The following THSD7A variants were observed in gnomAD, a reference collection of about 807,000 sequenced individuals.
The protein encoded by THSD7A is thrombospondin type 1 domain containing 7A.
A neutral mutation model predicts 231.3 loss-of-function variants in THSD7A; 96 were observed. The ratio of observed to expected loss-of-function variants is 0.41; its 90% CI spans 0.35 to 0.49. The LOEUF (loss-of-function observed/expected upper bound fraction) is 0.49, where lower values mean the gene tolerates loss of function less well. Among genes scored for constraint, THSD7A ranks in the 20% least tolerant of loss-of-function variants. The pLI, the probability that THSD7A is intolerant of heterozygous loss-of-function variation, is 0.05. For synonymous variants in THSD7A, 940 were observed against 743.3 expected (o/e 1.26, Z -4.30); for missense variants, 2,290 against 2,070.2 (o/e 1.11, Z -2.06).
At chr7:11,812,397 A>G (rs1166240318) in intron 1 of THSD7A, among the ~76,000 whole-genome samples, 1 of 152,186 alleles carries the variant, frequency 6.6e-6, no homozygotes, top group East Asian at 1.9e-4. Flanking sequence ...TAAATAAGAT[A>G]CATTGCATCA....
Position 11,474,198 on chromosome 7 carries a change from A to AAAAC in THSD7A, c.2252+132_2252+135dup, listed in dbSNP as rs549181492. Reference sequence around the variant, plus strand: ...ATAGCTTTATCAGTGGCTGACTTTCAAAACAAACAAATCTTGCTCTTGAGG... The same window carrying AAAAC: ...ATAGCTTTATCAGTGGCTGACTTTCAAAACAAACAAACAAATCTTGCTCTTGAGG... On this transcript the variant is annotated intron_variant, in intron 8 of 27. Transcript: ENST00000423059. This position sits in a 1 kb window ranked among gnomAD's most constrained non-coding sequence, Gnocchi z 4.1. 1.5e-4 allele frequency: 105 copies of AAAAC among 715,980 alleles called. No homozygotes were observed. The African/African-American group carries it at 1.8e-3, about 12-fold the overall frequency. The allele number at this position is 715,980 out of a possible 1,614,324, so 44.4% of individuals were successfully genotyped here.
intron 13 of THSD7A, among the ~76,000 whole-genome samples, chr7:11,437,481 T>A (rs1469684049): frequency 6.6e-6 from 1 of 152,090 alleles, no homozygotes; most frequent in African/African-American, 2.4e-5. Flanking sequence ...CCTCATCCCC[T>A]GCCTCTCTTT....
intron 6 of THSD7A, among the ~76,000 whole-genome samples, chr7:11,507,200 C>G (rs1787581302): frequency 1.3e-5 from 2 of 152,142 alleles, no homozygotes; most frequent in Admixed American, 1.3e-4. Flanking sequence ...ATATGAAGAA[C>G]AAGTCAAAGA....
In THSD7A at chr7:11,444,747, T is replaced by C. The variant is rs1418023886; in HGVS notation, c.3064+1314A>G. 6.7e-6 allele frequency among the ~76,000 whole-genome samples: 1 copy of C among 149,798 alleles called. No individual in the cohort carries two copies. Among genetic ancestry groups the C allele is most frequent in the Non-Finnish European group, 1.5e-5 (1 of 67,564 alleles). On this transcript the variant is annotated intron_variant, in intron 13 of 27. Transcript: ENST00000423059. The surrounding 1 kb of genome is among the most constrained non-coding windows in gnomAD (Gnocchi z 4.2). ...TACATGTATCCCAGAACTTAAAGTA[T>C]AACAAAAAAAAAGAGAGGGGGCACA...
At chr7:11,425,779 C>G (rs1784299424) in intron 15 of THSD7A, among the ~76,000 whole-genome samples, 1 of 148,112 alleles carries the variant, frequency 6.8e-6, no homozygotes, top group African/African-American at 2.5e-5. Flanking sequence ...GAGACAGAGA[C>G]AGAGAGCAAG....
rs1335718754 is a variant in THSD7A, at chr7:11,412,726, G to A, written c.3612C>T (p.Cys1204=). ...IRQPADEGRS[C]PNAVEKEPCN... ...AGGGTTCTTTCTCAACAGCATTAGG[G>A]CAAGATCTTCCTTCATCAGCTGGTT... Residue 1204 remains cysteine, a synonymous_variant, in exon 18 of 28, where the codon TGC becomes TGT. Transcript: ENST00000423059. The A allele has an allele frequency of 6.2e-7, 1 of 1,613,722 alleles. No individual in the cohort carries two copies. Among genetic ancestry groups the A allele is most frequent in the Non-Finnish European group, 8.5e-7 (1 of 1,179,794 alleles).
chr7:11,380,518 TTGTC>T (rs1259019127), intron 24 of THSD7A, among the ~76,000 whole-genome samples: 4 of 152,314 alleles, frequency 2.6e-5, no homozygotes, highest in African/African-American at 9.6e-5. Context: ...CTATTGCTAA[TTGTC>T]TGTGTTTCTC....
rs947458382 is a variant in THSD7A, at chr7:11,831,688, G to A, written c.190+69C>T. 7.5e-6 allele frequency: 9 copies of A among 1,208,014 alleles called. No homozygotes were observed. Among genetic ancestry groups the A allele is most frequent in the Non-Finnish European group, 2.1e-6 (2 of 939,062 alleles). The allele number at this position is 1,208,014 out of a possible 1,614,324, so 74.8% of individuals were successfully genotyped here. A position where few individuals can be genotyped will look rare whatever the true frequency, so the allele number is the denominator to read the frequency against. On this transcript the variant is annotated intron_variant, in intron 1 of 27. Coordinates refer to ENST00000423059, the MANE Select transcript of THSD7A (RefSeq NM_015204.3). The surrounding 1 kb of genome is among the most constrained non-coding windows in gnomAD (Gnocchi z 5.0). ...ATCCAAAAGCACCGGGGTCCCTACAGAAGCCCACCAGCTCCTTAATGTGGC... is the reference window on the plus strand; with the variant it reads ...ATCCAAAAGCACCGGGGTCCCTACAAAAGCCCACCAGCTCCTTAATGTGGC...
At chr7:11,759,263 G>A (rs1484645341) in intron 1 of THSD7A, among the ~76,000 whole-genome samples, 1 of 152,078 alleles carries the variant, frequency 6.6e-6, no homozygotes. Context: ...AATATGTAGT[G>A]AAAGTATGCT....
chr7:11,561,229 ATATT>A (rs1340143497), intron 4 of THSD7A, among the ~76,000 whole-genome samples: 3 of 152,200 alleles, frequency 2.0e-5, no homozygotes, highest in African/African-American at 7.2e-5. Context: ...ACACATATGC[ATATT>A]TATTTAATAT....
chr7:11,552,240 A>T (rs151203443), intron 4 of THSD7A, among the ~76,000 whole-genome samples: 244 of 152,078 alleles, frequency 1.6e-3, no homozygotes, highest in African/African-American at 5.8e-3. Context: ...TGGGTGATGA[A>T]ATCTATACAC....
At chr7:11,430,734 T>C (rs1032949651) in intron 13 of THSD7A, among the ~76,000 whole-genome samples, 1 of 152,186 alleles carries the variant, frequency 6.6e-6, no homozygotes, top group Admixed American at 6.5e-5. Context: ...CCCAAAATAT[T>C]GGGATTACAG....
At chr7:11,689,243 T>G (rs1468176559) in intron 1 of THSD7A, among the ~76,000 whole-genome samples, 3 of 151,874 alleles carry the variant, frequency 2.0e-5, no homozygotes, top group African/African-American at 7.2e-5. Flanking sequence ...TGGCAACTAT[T>G]ATGTAAGGTC....
intron 1 of THSD7A, among the ~76,000 whole-genome samples, chr7:11,813,903 A>G (rs924981070): frequency 1.3e-5 from 2 of 152,148 alleles, no homozygotes; most frequent in Non-Finnish European, 2.9e-5. Context: ...CATGATTCAT[A>G]ATAGCCAAAA....
At chr7:11,721,022 T>A (rs1306655105) in intron 1 of THSD7A, among the ~76,000 whole-genome samples, 1 of 151,894 alleles carries the variant, frequency 6.6e-6, no homozygotes, top group Non-Finnish European at 1.5e-5. Context: ...TACGGTGCAT[T>A]TGTTTATTAA....
chr7:11,527,195 A>T (rs1385863150), intron 6 of THSD7A, among the ~76,000 whole-genome samples: 2 of 152,198 alleles, frequency 1.3e-5, no homozygotes, highest in Non-Finnish European at 1.5e-5. Context: ...ATTTAAAATT[A>T]TTGTATATAG....
chr7:11,750,199 C>T (rs17176155), intron 1 of THSD7A, among the ~76,000 whole-genome samples: 48,388 of 151,332 alleles, frequency 0.32, 9,359 homozygotes, highest in Admixed American at 0.43. Flanking sequence ...AGCATACCAA[C>T]GACTGGAAGA....
chr7:11,661,314 T>A (rs924318173), intron 1 of THSD7A, among the ~76,000 whole-genome samples: 2 of 151,342 alleles, frequency 1.3e-5, no homozygotes, highest in Non-Finnish European at 3.0e-5. Flanking sequence ...CACAACTCAC[T>A]TTTATTTATC....
At chr7:11,698,489 A>G (rs1389930118) in intron 1 of THSD7A, among the ~76,000 whole-genome samples, 1 of 151,444 alleles carries the variant, frequency 6.6e-6, no homozygotes, top group Non-Finnish European at 1.5e-5. Flanking sequence ...ATTTAGCTAC[A>G]GCTGACAGAT....
Sources: gnomAD v4.1 joint callset for allele counts (sites outside exome capture counted in the v4.1 genomes callset) on GRCh38, gnomAD v4.1.1 for gene constraint, Gnocchi (gnomAD v3.1) non-coding constraint, MANE v1.5 for transcripts, NCBI Gene and HGNC (gene_info 2026-07-23, HGNC 2026-07-21) for gene names.